PRSS22: variants seen among roughly 807,000 people sequenced by gnomAD.
PRSS22 encodes the protein serine protease 22.
Under a neutral mutation model 28.0 loss-of-function variants are expected in PRSS22, and 26 were observed. That is an observed-to-expected ratio of 0.93 (90% CI 0.68 to 1.29). The LOEUF (loss-of-function observed/expected upper bound fraction) is 1.29, where lower values mean the gene tolerates loss of function less well. Ranked by LOEUF, PRSS22 falls within the 50% of genes most tolerant of loss-of-function variation. PRSS22 has a pLI of 0.00. For synonymous variants in PRSS22, 217 were observed against 177.9 expected, an observed-to-expected ratio of 1.22 and a Z score of -1.75; for missense variants, 444 against 422.1, an observed-to-expected ratio of 1.05 and a Z score of -0.46.
chr16:2,857,204 G>T, intron 1 of PRSS22: 1 of 304,284 alleles, frequency 3.3e-6, no homozygotes, highest in Non-Finnish European at 6.6e-6. Context: ...AGCGCCCAGT[G>T]AGGAGGGCTC....
intron 1 of PRSS22, among the ~76,000 whole-genome samples, chr16:2,857,330 G>T (rs1279063257): frequency 6.9e-6 from 1 of 145,600 alleles, no homozygotes; most frequent in East Asian, 2.0e-4. Flanking sequence ...CAGTGACGAG[G>T]GGGTCCCAGC....
At chr16:2,857,949 A>C in intron 1 of PRSS22, 74 bp downstream of exon 1, 1 of 1,123,310 alleles carries the variant, frequency 8.9e-7, no homozygotes, top group Non-Finnish European at 1.1e-6. Flanking sequence ...GCCAGGAGGG[A>C]GAGAGGGAGG....
intron 1 of PRSS22, chr16:2,857,791 C>T (rs968202657): frequency 5.2e-6 from 2 of 381,470 alleles, no homozygotes; most frequent in Non-Finnish European, 9.3e-6. Context: ...GCGATGGCGA[C>T]GCCGACGGTA....
intron 1 of PRSS22, 22 bp from the exon 2 acceptor site, chr16:2,856,870 G>A (rs2069462763): frequency 1.3e-6 from 2 of 1,551,640 alleles, no homozygotes; most frequent in Admixed American, 2.0e-5. Flanking sequence ...AGAAGGAAAC[G>A]GTTAGGCCGG....
chr16:2,854,083 G>T (rs1308323759), intron 4 of PRSS22, 61 bp from the exon 5 acceptor site: 2 of 1,581,062 alleles, frequency 1.3e-6, no homozygotes, highest in Non-Finnish European at 1.7e-6. Context: ...CCTCCTCAAA[G>T]GACTATTCCC....
chr16:2,856,734 C>G lies in PRSS22; in HGVS notation c.109+88G>C, dbSNP rs973084579. The G allele has an allele frequency of 2.1e-6, 3 of 1,461,130 alleles. No homozygotes were observed. The African/African-American group carries it at 4.2e-5, about 21-fold the overall frequency. 90.5% of individuals were successfully genotyped at this position (1,461,130 alleles called of 1,614,324 possible). ...CCCTCTCACCCCAGCCCCTTTCTGA[C>G]CTGTGCCCAGGGGACGGACACATAG... On this transcript the variant is annotated intron_variant, in intron 2 of 5. Transcript: ENST00000161006.
At position 2,852,883 on chromosome 16, in the gene PRSS22, G is replaced by A; in HGVS notation, c.*210C>T. On this transcript the variant is annotated 3_prime_UTR_variant, in exon 6 of 6. Transcript: ENST00000161006. ...GTGGGGGCGGGGACATGAGGCCGTT[G>A]GGCGGGGCCTGATGCCTTGGAGGCG... The A allele has an allele frequency of 3.6e-6, 2 of 549,058 alleles. No individual in the cohort carries two copies. The highest frequency in any genetic ancestry group is 6.4e-6 in the Non-Finnish European group (2 of 313,692). The allele number at this position is 549,058 out of a possible 1,614,324, so 34.0% of individuals were successfully genotyped here.
Position 2,853,117 on chromosome 16 carries a change from G to C in PRSS22, c.930C>G (p.Gly310=). ...CCTAGGAGCGCGCGGCGGCCCCAGAGCCCTGGCTCGGTGCCCTGAGGGCCC... is the reference window on the plus strand; with the variant it reads ...CCTAGGAGCGCGCGGCGGCCCCAGACCCCTGGCTCGGTGCCCTGAGGGCCC... The part of the protein sequence containing the change: ...GGGALRAPSQ[G]SGAAARS The change falls in exon 6 of 6, where the codon GGC becomes GGG. Residue 310 remains glycine (G), a synonymous_variant. Coordinates refer to ENST00000161006, the MANE Select transcript of PRSS22 (RefSeq NM_022119.4). This position sits in a 1 kb window ranked among gnomAD's most constrained non-coding sequence, Gnocchi z 4.6. The C allele has an allele frequency of 6.3e-7, 1 of 1,594,856 alleles. No homozygotes were observed. Among genetic ancestry groups the C allele is most frequent in the Non-Finnish European group, 8.5e-7 (1 of 1,177,488 alleles).
In PRSS22 at chr16:2,853,719, G is replaced by C; in HGVS notation, c.717+146C>G. 3 of 863,528 alleles carry C rather than the reference G, an allele frequency of 3.5e-6. No individual in the cohort carries two copies. The highest frequency in any genetic ancestry group is 5.3e-6 in the Non-Finnish European group (3 of 570,916). 53.5% of individuals were successfully genotyped at this position (863,528 alleles called of 1,614,324 possible). On this transcript the variant is annotated intron_variant, in intron 5 of 5. Transcript: ENST00000161006. The surrounding 1 kb of genome is among the most constrained non-coding windows in gnomAD (Gnocchi z 4.6). ...GAGTGGCTGAGCCAGGCTGAGGCTG[G>C]TTCTATGGGGACCCGGGACTGTCAG...
In PRSS22 at chr16:2,853,149, C is replaced by A. The variant is rs143594321; in HGVS notation, c.898G>T (p.Gly300Trp). The A allele has an allele frequency of 1.7e-5, 27 of 1,598,234 alleles. No homozygotes were observed. The highest frequency in any genetic ancestry group is 1.6e-4 in the Middle Eastern group (1 of 6,080). Residue 300 changes from glycine (G) to tryptophan (W), a missense_variant, in exon 6 of 6, where the codon GGG becomes TGG. Transcript: ENST00000161006. The surrounding 1 kb of genome is among the most constrained non-coding windows in gnomAD (Gnocchi z 4.6). ...CTCGGTGCCCTGAGGGCCCCACCCC[C>A]CTGAGCGCGCCCGCGGAGCTGCACC... The part of the protein sequence containing the change: ...QGVQLRGRAQ[G>W]GGALRAPSQG...
chr16:2,854,203 C>T (rs1251119037), intron 4 of PRSS22, 181 bp from the exon 5 acceptor site: 2 of 643,140 alleles, frequency 3.1e-6, no homozygotes, highest in African/African-American at 3.7e-5. Flanking sequence ...CCACCTCTGG[C>T]CCTGCTGAAT....
At position 2,853,205 on chromosome 16, in the gene PRSS22, T is replaced by C; in HGVS notation, c.842A>G (p.His281Arg). ...CACGATCTTCTCCACCCAGGAGCGGTGCGCAGAGAGGCTGATGTAGACCCC... is the reference window on the plus strand; with the variant it reads ...CACGATCTTCTCCACCCAGGAGCGGCGCGCAGAGAGGCTGATGTAGACCCC... ...RPGVYISLSA[H>R]RSWVEKIVQG... is the part of the protein sequence containing the mutation. The change falls in exon 6 of 6, where the codon CAC becomes CGC. Residue 281 changes from histidine (H) to arginine (R), a missense_variant. Transcript: ENST00000161006. This position sits in a 1 kb window ranked among gnomAD's most constrained non-coding sequence, Gnocchi z 4.6. 6.2e-7 allele frequency: 1 copy of C among 1,600,006 alleles called. No homozygotes were observed. The highest frequency in any genetic ancestry group is 8.5e-7 in the Non-Finnish European group (1 of 1,179,614).
Position 2,853,140 on chromosome 16 carries a change from C to A in PRSS22, c.907G>T (p.Ala303Ser). ...GAGCCCTGGCTCGGTGCCCTGAGGG[C>A]CCCACCCCCCTGAGCGCGCCCGCGG... ...QLRGRAQGGG[A>S]LRAPSQGSGA... The change falls in exon 6 of 6, where the codon GCC (alanine) becomes TCC (serine). Residue 303 changes from alanine to serine, a missense_variant. Coordinates refer to ENST00000161006, the MANE Select transcript of PRSS22 (RefSeq NM_022119.4). This position sits in a 1 kb window ranked among gnomAD's most constrained non-coding sequence, Gnocchi z 4.6. The A allele has an allele frequency of 6.3e-7, 1 of 1,597,368 alleles. No homozygotes were observed. Among genetic ancestry groups the A allele is most frequent in the Non-Finnish European group, 8.5e-7 (1 of 1,178,940 alleles).
intron 4 of PRSS22, chr16:2,854,240 C>CCTA: frequency 1.8e-6 from 1 of 544,652 alleles, no homozygotes; most frequent in Non-Finnish European, 3.3e-6. Context: ...AACCTAAGAC[C>CCTA]CTACCTCTTT....
intron 2 of PRSS22, 127 bp from the exon 3 acceptor site, chr16:2,856,380 C>G (rs1461329751): frequency 4.2e-6 from 4 of 955,380 alleles, no homozygotes; most frequent in Non-Finnish European, 4.7e-6. Flanking sequence ...CAAGCTCTAC[C>G]CACATCCCAA....
chr16:2,857,376 A>AG (rs1381069344), intron 1 of PRSS22, among the ~76,000 whole-genome samples: 6 of 117,430 alleles, frequency 5.1e-5, no homozygotes, highest in South Asian at 3.0e-4. Flanking sequence ...CCCAGTGAGG[A>AG]GGGGTCCCAG....
intron 1 of PRSS22, 156 bp from the exon 2 acceptor site, chr16:2,857,004 TC>T: frequency 1.3e-6 from 1 of 767,150 alleles, no homozygotes; most frequent in Non-Finnish European, 2.0e-6. Flanking sequence ...GTGAGGAGGG[TC>T]CCTCAGCGCC....
Position 2,853,064 on chromosome 16 carries a change from C to G in PRSS22, c.*29G>C. ...TCCAGATGTGGATCTGGCCGCCTTT[C>G]AGATCCGAGCCCCGCGTCCCGCTGC... On this transcript the variant is annotated 3_prime_UTR_variant, in exon 6 of 6. Coordinates refer to ENST00000161006, the MANE Select transcript of PRSS22 (RefSeq NM_022119.4). The surrounding 1 kb of genome is among the most constrained non-coding windows in gnomAD (Gnocchi z 4.6). 2.8e-6 allele frequency: 4 copies of G among 1,453,608 alleles called. No homozygotes were observed. The highest frequency in any genetic ancestry group is 3.7e-6 in the Non-Finnish European group (4 of 1,079,354). The allele number at this position is 1,453,608 out of a possible 1,614,324, so 90.0% of individuals were successfully genotyped here.
In PRSS22 at chr16:2,853,069, C is replaced by A. The variant is rs769619975; in HGVS notation, c.*24G>T. 2.0e-6 allele frequency: 3 copies of A among 1,485,036 alleles called. No homozygotes were observed. Among genetic ancestry groups the A allele is most frequent in the East Asian group, 4.7e-5 (2 of 42,756 alleles). 92.0% of individuals were successfully genotyped at this position (1,485,036 alleles called of 1,614,324 possible). ...ATGTGGATCTGGCCGCCTTTCAGAT[C>A]CGAGCCCCGCGTCCCGCTGCGCCCT... On this transcript the variant is annotated 3_prime_UTR_variant, in exon 6 of 6. Transcript: ENST00000161006. The surrounding 1 kb of genome is among the most constrained non-coding windows in gnomAD (Gnocchi z 4.6).
Sources: allele counts gnomAD v4.1 joint callset (sites outside exome capture counted in the v4.1 genomes callset), GRCh38; gene constraint gnomAD v4.1.1; non-coding constraint Gnocchi (gnomAD v3.1); transcripts MANE v1.5; gene names NCBI Gene and HGNC (gene_info 2026-07-23, HGNC 2026-07-21).